The following MYEF2 variants were observed in gnomAD, a reference collection of about 807,000 sequenced individuals.
The protein encoded by MYEF2 is myelin gene expression factor 2.
Under a neutral mutation model 75.2 loss-of-function variants are expected in MYEF2, and 37 were observed. The observed-to-expected ratio is 0.49, with a 90% CI of 0.38 to 0.65. MYEF2 has a LOEUF of 0.65. Ranked by LOEUF, MYEF2 falls within the 30% of genes least tolerant of loss-of-function variation. MYEF2 has a pLI of 0.00. For synonymous variants in MYEF2, 195 were observed against 241.6 expected (o/e 0.81, Z 1.79); for missense variants, 634 against 771.4 (o/e 0.82, Z 2.11).
rs371036489 is a variant in MYEF2, at chr15:48,149,129, G to A, written c.1587+34C>T. On this transcript the variant is annotated intron_variant, in intron 15 of 16. Coordinates refer to ENST00000324324, the MANE Select transcript of MYEF2 (RefSeq NM_016132.5). This position sits in a 1 kb window ranked among gnomAD's most constrained non-coding sequence, Gnocchi z 4.0. ...AGTAACATATATACAAGAAAAAAAA[G>A]AATTTGAATTATCCTTAATATTTAT... is the stretch of plus-strand genomic sequence containing the variant. 6.2e-7 allele frequency: 1 copy of A among 1,612,076 alleles called. No individual in the cohort carries two copies. Among genetic ancestry groups the A allele is most frequent in the East Asian group, 2.2e-5 (1 of 44,878 alleles).
chr15:48,141,731 G>C lies in MYEF2; in HGVS notation c.*1177C>G, dbSNP rs1188951497. The C allele has an allele frequency of 5.0e-6, 1 of 200,374 alleles. No homozygotes were observed. The highest frequency in any genetic ancestry group is 2.3e-5 in the African/African-American group (1 of 43,012). The allele number at this position is 200,374 out of a possible 1,614,324, so 12.4% of individuals were successfully genotyped here. ...CCCCCAAATAATATTCATTTGAAAT[G>C]TGTGTTAAATAGTAATTAACCATTA... On this transcript the variant is annotated 3_prime_UTR_variant, in exon 17 of 17. Coordinates refer to ENST00000324324, the MANE Select transcript of MYEF2 (RefSeq NM_016132.5).
intron 12 of MYEF2, 132 bp from the exon 13 acceptor site, chr15:48,151,703 A>T: frequency 8.7e-7 from 1 of 1,154,916 alleles, no homozygotes; most frequent in Non-Finnish European, 1.3e-6. Context: ...TACCCAATTT[A>T]CCTCACATGC....
At chr15:48,177,743 T>C (rs181354753) in intron 1 of MYEF2, among the ~76,000 whole-genome samples, 119 of 152,328 alleles carry the variant, frequency 7.8e-4, no homozygotes, top group Admixed American at 2.1e-3. Flanking sequence ...ACCATTTTCC[T>C]GCAAACCGTG....
Position 48,158,831 on chromosome 15 carries a change from C to T in MYEF2, c.809G>A (p.Gly270Asp). 1 of 1,613,764 alleles carries T rather than the reference C, an allele frequency of 6.2e-7. No individual in the cohort carries two copies. Residue 270 changes from glycine to aspartate, a missense_variant, in exon 7 of 17, where the codon GGC (glycine) becomes GAC (aspartate). By Grantham distance (94) the Gly-to-Asp change is moderately conservative. Transcript: ENST00000324324. Reference protein sequence around the residue: ...KRADIKEDKDGKSRGMGTVTF... With the variant: ...KRADIKEDKDDKSRGMGTVTF... ...GACAGTGCCCATTCCTCTGCTCTTG[C>T]CATCTTTGTCTTCTTTAATATCTGC...
At chr15:48,164,177 T>C (rs184746870) in intron 5 of MYEF2, among the ~76,000 whole-genome samples, 1 of 152,324 alleles carries the variant, frequency 6.6e-6, no homozygotes, top group East Asian at 1.9e-4. Context: ...CTAGATGTCA[T>C]TAAGAACATC....
chr15:48,162,026 A>G (rs1020159735), intron 5 of MYEF2, among the ~76,000 whole-genome samples: 2 of 151,620 alleles, frequency 1.3e-5, no homozygotes, highest in African/African-American at 4.8e-5. Flanking sequence ...GACACAAACC[A>G]CAACAGTCAA....
At position 48,135,148 on chromosome 15, in the gene MYEF2, T is replaced by G; in HGVS notation, c.*7760A>C. 1 of 533,588 alleles carries G rather than the reference T, an allele frequency of 1.9e-6. No homozygotes were observed. The highest frequency in any genetic ancestry group is 2.9e-5 in the East Asian group (1 of 34,048). 33.1% of individuals were successfully genotyped at this position (533,588 alleles called of 1,614,324 possible). A position where few individuals can be genotyped will look rare whatever the true frequency, so the allele number is the denominator to read the frequency against. ...ACCTCATCACAATTGCTGATTGAGT[T>G]CTTCTCACTAGTTTGCAATTTCTTC... On this transcript the variant is annotated 3_prime_UTR_variant, in exon 17 of 17. Coordinates refer to ENST00000324324, the MANE Select transcript of MYEF2 (RefSeq NM_016132.5).
intron 9 of MYEF2, among the ~76,000 whole-genome samples, chr15:48,154,943 T>C (rs1018540656): frequency 6.6e-6 from 1 of 152,078 alleles, no homozygotes; most frequent in Non-Finnish European, 1.5e-5. Context: ...ACTCTACTAT[T>C]ACATAAAAGA....
intron 1 of MYEF2, among the ~76,000 whole-genome samples, chr15:48,170,928 G>A (rs1334554886): frequency 6.6e-6 from 1 of 152,154 alleles, no homozygotes; most frequent in Non-Finnish European, 1.5e-5. Flanking sequence ...AATAAAGAAA[G>A]AGACATTTGG....
chr15:48,168,325 G>A (rs924523939), intron 2 of MYEF2, among the ~76,000 whole-genome samples: 2 of 151,762 alleles, frequency 1.3e-5, no homozygotes, highest in Non-Finnish European at 2.9e-5. Context: ...CTTAACTAAT[G>A]CAATAGCCCT....
At chr15:48,151,266 A>T (rs2039482421) in intron 13 of MYEF2, 95 bp from the exon 14 acceptor site, 14 of 1,173,338 alleles carry the variant, frequency 1.2e-5, no homozygotes, top group Non-Finnish European at 1.7e-5. Context: ...ACAATAAATG[A>T]AAAGCATAAA....
At chr15:48,174,544 C>A (rs576884631) in intron 1 of MYEF2, among the ~76,000 whole-genome samples, 1 of 151,900 alleles carries the variant, frequency 6.6e-6, no homozygotes, top group East Asian at 1.9e-4. Context: ...AATTTGCAAA[C>A]CATATATCCA....
Position 48,159,684 on chromosome 15 carries a change from G to C in MYEF2, c.646C>G (p.Pro216Ala). ...MNLPPSILNN[P>A]NIPPEVISNL... ...CTGATGACTTCAGGAGGAATGTTTG[G>C]ATTATTGAGTATGGAAGGTGGTAAA... is the stretch of plus-strand genomic sequence containing the variant. The change falls in exon 6 of 17, where the codon CCA becomes GCA. Residue 216 changes from proline to alanine, a missense_variant. Physicochemically the swap from Pro to Ala is conservative, Grantham distance 27. Coordinates refer to ENST00000324324, the MANE Select transcript of MYEF2 (RefSeq NM_016132.5). The C allele has an allele frequency of 6.2e-7, 1 of 1,613,632 alleles. No individual in the cohort carries two copies.
Position 48,142,100 on chromosome 15 carries a change from T to C in MYEF2, c.*808A>G, listed in dbSNP as rs2039110629. On this transcript the variant is annotated 3_prime_UTR_variant, in exon 17 of 17. Transcript: ENST00000324324. ...TGATATGTTGTGCCTTGGTATTCCA[T>C]GGTTTATTAAAACTGCATTTATAAA... The C allele has an allele frequency of 3.7e-6, 6 of 1,613,796 alleles. No homozygotes were observed. Among genetic ancestry groups the C allele is most frequent in the Non-Finnish European group, 5.1e-6 (6 of 1,179,886 alleles).
At position 48,151,621 on chromosome 15, in the gene MYEF2, T is replaced by C. The variant is rs754042115; in HGVS notation, c.1208-50A>G. Reference sequence around the variant, plus strand: ...ACCTTTTCAAATATATCAATACATGTTGAAAACATTCAGGAATGTATCTAA... The same window carrying C: ...ACCTTTTCAAATATATCAATACATGCTGAAAACATTCAGGAATGTATCTAA... On this transcript the variant is annotated intron_variant, in intron 12 of 16. Coordinates refer to ENST00000324324, the MANE Select transcript of MYEF2 (RefSeq NM_016132.5). 17 of 1,480,460 alleles carry C rather than the reference T, an allele frequency of 1.1e-5. No individual in the cohort carries two copies. The South Asian group carries it at 1.4e-4, about 13-fold the overall frequency. The allele number at this position is 1,480,460 out of a possible 1,614,324, so 91.7% of individuals were successfully genotyped here.
intron 9 of MYEF2, chr15:48,154,136 T>A: frequency 6.2e-6 from 2 of 321,418 alleles, no homozygotes; most frequent in Non-Finnish European, 1.1e-5. Flanking sequence ...GTACACCTTA[T>A]ACCCCACTTA....
Position 48,158,924 on chromosome 15 carries a change from TTAATA to T in MYEF2, c.718-7_718-3del. On this transcript the variant is annotated splice_region_variant and splice_polypyrimidine_tract_variant and intron_variant, in intron 6 of 16. Transcript: ENST00000324324. ...CTTCCAACCAACTTTGAAGTCAAGC[TTAATA>T]TAAAATTGTATAAAGTTACATACCT... The T allele has an allele frequency of 1.2e-6, 2 of 1,612,680 alleles. No individual in the cohort carries two copies. Among genetic ancestry groups the T allele is most frequent in the Non-Finnish European group, 1.7e-6 (2 of 1,179,218 alleles).
At chr15:48,144,300 T>C (rs1189411923) in intron 16 of MYEF2, among the ~76,000 whole-genome samples, 3 of 152,098 alleles carry the variant, frequency 2.0e-5, no homozygotes, top group Non-Finnish European at 2.9e-5. Flanking sequence ...AATCTTGATC[T>C]GAATAATCTC....
chr15:48,157,576 A>G (rs2039750285), intron 9 of MYEF2: 1 of 198,414 alleles, frequency 5.0e-6, no homozygotes, highest in South Asian at 1.6e-4. Flanking sequence ...TCAACATGAA[A>G]AAATGCTTAT....
Sources: allele counts gnomAD v4.1 joint callset (sites outside exome capture counted in the v4.1 genomes callset), GRCh38; gene constraint gnomAD v4.1.1; non-coding constraint Gnocchi (gnomAD v3.1); transcripts MANE v1.5; gene names NCBI Gene and HGNC (gene_info 2026-07-23, HGNC 2026-07-21).